RYR2: variants seen among roughly 807,000 people sequenced by gnomAD.
RYR2 encodes cardiac muscle ryanodine receptor-calcium release channel.
RYR2 carries 227 observed loss-of-function variants against 601.1 expected under a neutral mutation model. The ratio of observed to expected loss-of-function variants is 0.38; its 90% confidence interval spans 0.34 to 0.42. RYR2 has a LOEUF of 0.42. Ranked by LOEUF, RYR2 falls within the 10% of genes least tolerant of loss-of-function variation. The pLI is 1.00. For missense variants in RYR2, 4,646 were observed against 6,156.5 expected (o/e 0.75, Z 8.21); for synonymous variants, 2,223 against 2,175.1 (o/e 1.02, Z -0.61).
chr1:237,173,937 G>A (rs536225171), intron 1 of RYR2, among the ~76,000 whole-genome samples: 1 of 152,042 alleles, frequency 6.6e-6, no homozygotes, highest in Non-Finnish European at 1.5e-5. Context: ...GGCGCCTGTA[G>A]TCCCAGCTAC....
intron 1 of RYR2, among the ~76,000 whole-genome samples, chr1:237,231,288 AATAGAG>A (rs1254144511): frequency 6.6e-6 from 1 of 151,590 alleles, no homozygotes; most frequent in Non-Finnish European, 1.5e-5. Flanking sequence ...TCTTTTTTTA[AATAGAG>A]ATAGTGTCTT....
intron 1 of RYR2, among the ~76,000 whole-genome samples, chr1:237,119,642 G>C (rs1488672616): frequency 1.3e-5 from 2 of 152,140 alleles, no homozygotes; most frequent in African/African-American, 2.4e-5. Context: ...GTGGTAGCTG[G>C]TCTCATGGCC....
intron 17 of RYR2, among the ~76,000 whole-genome samples, chr1:237,473,067 G>A (rs1660914879): frequency 6.6e-6 from 1 of 151,830 alleles, no homozygotes; most frequent in African/African-American, 2.4e-5. Flanking sequence ...AGGGACAATA[G>A]TGTTATCTAC....
rs575231348 is a variant in RYR2 at position 237,305,561 on chromosome 1, A to G, written c.169-25317A>G. Among the ~76,000 whole-genome samples, 304 of 152,250 alleles carry G rather than the reference A, an allele frequency of 2.0e-3. 1 individual carries two copies. Among genetic ancestry groups the G allele is most frequent in the African/African-American group, 6.7e-3 (278 of 41,560 alleles). ...ATCCTCCCATCTCAACCTCCCAAGT[A>G]TCTGAAACTACAGGCATGCGCCACC... On this transcript the variant is annotated intron_variant, in intron 2 of 104. Coordinates refer to ENST00000366574, the MANE Select transcript of RYR2 (RefSeq NM_001035.3).
chr1:237,310,400 G>T (rs1694424245), intron 2 of RYR2, among the ~76,000 whole-genome samples: 1 of 152,156 alleles, frequency 6.6e-6, no homozygotes, highest in Non-Finnish European at 1.5e-5. Context: ...CTTTCCTTTT[G>T]TACCTAAGCA....
At chr1:237,162,978 C>G (rs917614982) in intron 1 of RYR2, among the ~76,000 whole-genome samples, 3 of 152,062 alleles carry the variant, frequency 2.0e-5, no homozygotes, top group African/African-American at 7.2e-5. Context: ...AAACAGGAGT[C>G]CATCAGAAAC....
chr1:237,568,994 T>A lies in RYR2; in HGVS notation c.3424-151T>A, dbSNP rs76315148. 7.4e-4 allele frequency: 386 copies of A among 519,236 alleles called. 2 individuals carry two copies. In the East Asian group the frequency reaches 0.011, roughly 15 times the overall value. The allele number at this position is 519,236 out of a possible 1,614,324, so 32.2% of individuals were successfully genotyped here. A position where few individuals can be genotyped will look rare whatever the true frequency, so the allele number is the denominator to read the frequency against. The stretch of plus-strand genomic sequence containing the variant: ...AATTCCCAGACAGCTCCATTTTGCT[T>A]AGGACATTGCAGTAGACCGATATGC... On this transcript the variant is annotated intron_variant, in intron 28 of 104. Transcript: ENST00000366574.
chr1:237,744,690 G>A (rs936515656), intron 80 of RYR2, among the ~76,000 whole-genome samples: 1 of 145,136 alleles, frequency 6.9e-6, no homozygotes, highest in Non-Finnish European at 1.5e-5. Context: ...GTTTGTAAGT[G>A]TAAACTATTC....
In RYR2 at chr1:237,798,595, A is replaced by G. The variant is rs181835290; in HGVS notation, c.14090+425A>G. Among the ~76,000 whole-genome samples the G allele has an allele frequency of 3.4e-4, 52 of 152,350 alleles. No homozygotes were observed. The East Asian group carries it at 7.5e-3, about 22-fold the overall frequency. On this transcript the variant is annotated intron_variant, in intron 97 of 104. Transcript: ENST00000366574. ...GTATTTAAAATGTTCAGAGGAACTC[A>G]TATTACTTTACTATAAGTATTGTAT... is the stretch of plus-strand genomic sequence containing the variant.
intron 1 of RYR2, among the ~76,000 whole-genome samples, chr1:237,254,198 T>A (rs921304327): frequency 1.5e-5 from 2 of 129,804 alleles, no homozygotes; most frequent in South Asian, 5.1e-4. Flanking sequence ...TCTGTCCAGA[T>A]TACTGTTATT....
At chr1:237,369,780 G>T (rs1700494419) in intron 6 of RYR2, among the ~76,000 whole-genome samples, 172 bp downstream of exon 6, 1 of 152,180 alleles carries the variant, frequency 6.6e-6, no homozygotes, top group Admixed American at 6.5e-5. Flanking sequence ...ATGAAAGTCA[G>T]CTCAGATGAC....
At chr1:237,111,635 T>C (rs2148590263) in intron 1 of RYR2, among the ~76,000 whole-genome samples, 1 of 150,158 alleles carries the variant, frequency 6.7e-6, no homozygotes, top group East Asian at 2.0e-4. Context: ...GTTCTGAGTG[T>C]GAAGTGTGCT....
intron 2 of RYR2, among the ~76,000 whole-genome samples, chr1:237,322,822 G>GT (rs1695756269): frequency 1.2e-5 from 1 of 85,874 alleles, no homozygotes; most frequent in South Asian, 3.2e-4. Context: ...ACACACACAC[G>GT]TGTGTGTGTG....
At chr1:237,441,599 A>G in intron 13 of RYR2, 116 bp downstream of exon 13, 3 of 945,186 alleles carry the variant, frequency 3.2e-6, no homozygotes, top group African/African-American at 1.7e-5. Context: ...ATAATTTTGC[A>G]AGTGAAAGGG....
intron 14 of RYR2, among the ~76,000 whole-genome samples, chr1:237,449,067 G>A (rs939389075): frequency 1.3e-5 from 2 of 152,076 alleles, no homozygotes; most frequent in South Asian, 2.1e-4. Flanking sequence ...ACACACACAC[G>A]CCACCACCAT....
chr1:237,784,446 T>A lies in RYR2; in HGVS notation c.12734T>A (p.Leu4245Gln). 2 of 1,613,722 alleles carry A rather than the reference T, an allele frequency of 1.2e-6. No homozygotes were observed. The highest frequency in any genetic ancestry group is 8.5e-7 in the Non-Finnish European group (1 of 1,179,790). Residue 4245 changes from leucine to glutamine, a missense_variant, in exon 90 of 105, where the codon CTG becomes CAG. By Grantham distance (113) the Leu-to-Gln change is moderately radical (BLOSUM62 -2). This residue lies in a region of RYR2 where 364 missense variants were observed against 442.9 expected (regional missense o/e 0.82). Coordinates refer to ENST00000366574, the MANE Select transcript of RYR2 (RefSeq NM_001035.3). This position sits in a 1 kb window ranked among gnomAD's most constrained non-coding sequence, Gnocchi z 7.1. ...TCCATTCTGACGGTCAGGTCGGCCC[T>A]GTTTGCGCTCAGGTACAATATCTTG... The part of the protein sequence containing the change: ...FFSILTVRSA[L>Q]FALRYNILTL...
intron 10 of RYR2, among the ~76,000 whole-genome samples, chr1:237,407,980 G>A (rs751816524): frequency 7.9e-5 from 12 of 152,082 alleles, no homozygotes; most frequent in South Asian, 4.2e-4. Context: ...CCAGATATGC[G>A]ATTGCAAATA....
At chr1:237,460,096 C>T (rs1215727715) in intron 16 of RYR2, among the ~76,000 whole-genome samples, 2 of 152,162 alleles carry the variant, frequency 1.3e-5, no homozygotes, top group Non-Finnish European at 2.9e-5. Context: ...TCCACTCTGC[C>T]TTCCATGGAG....
chr1:237,727,020 G>A (rs538078764), intron 75 of RYR2, 67 bp from the exon 76 acceptor site: 7 of 833,264 alleles, frequency 8.4e-6, no homozygotes, highest in African/African-American at 8.3e-5. Context: ...AGTTTGGGGT[G>A]TAAATATTTA....
Sources: allele counts gnomAD v4.1 joint callset (sites outside exome capture counted in the v4.1 genomes callset), GRCh38; gene constraint gnomAD v4.1.1; regional missense constraint gnomAD v4.1.1; non-coding constraint Gnocchi (gnomAD v3.1); transcripts MANE v1.5; gene names NCBI Gene and HGNC (gene_info 2026-07-23, HGNC 2026-07-21).